The following CYYR1 variants were observed in gnomAD, a reference collection of about 807,000 sequenced individuals.
CYYR1 encodes cysteine and tyrosine rich 1.
A neutral mutation model predicts 15.2 loss-of-function variants in CYYR1; 14 were observed. The ratio of observed to expected loss-of-function variants is 0.92; its 90% CI spans 0.61 to 1.44. CYYR1 has a LOEUF of 1.44. Ranked by LOEUF, CYYR1 falls within the 40% of genes most tolerant of loss-of-function variation. The pLI is 0.00. For synonymous variants in CYYR1, 80 were observed against 77.4 expected (o/e 1.03, Z -0.18); for missense variants, 228 against 209.5 (o/e 1.09, Z -0.54).
At chr21:26,490,642 G>C (rs1227277305) in intron 2 of CYYR1, among the ~76,000 whole-genome samples, 1 of 152,164 alleles carries the variant, frequency 6.6e-6, no homozygotes. Context: ...TTGGGACATT[G>C]ACCACAACTC....
At chr21:26,500,185 T>C (rs1031509671) in intron 2 of CYYR1, among the ~76,000 whole-genome samples, 3 of 152,146 alleles carry the variant, frequency 2.0e-5, no homozygotes, top group African/African-American at 7.2e-5. Context: ...GGATCCACCC[T>C]CCTAACCTCA....
chr21:26,477,737 T>C (rs1181620912), intron 3 of CYYR1: 12 of 985,030 alleles, frequency 1.2e-5, no homozygotes, highest in African/African-American at 1.7e-5. Flanking sequence ...CAATTCTTCA[T>C]ACCTTCTCTA....
intron 2 of CYYR1, among the ~76,000 whole-genome samples, chr21:26,534,417 T>C (rs1311092024): frequency 6.6e-6 from 1 of 152,168 alleles, no homozygotes; most frequent in African/African-American, 2.4e-5. Flanking sequence ...ATCTACTCTC[T>C]ACCTTGCTCC....
At chr21:26,487,811 AAT>A (rs2065271099) in intron 2 of CYYR1, among the ~76,000 whole-genome samples, 1 of 151,866 alleles carries the variant, frequency 6.6e-6, no homozygotes. Context: ...CATAATATCG[AAT>A]AGTTAAATTG....
Position 26,468,726 on chromosome 21 carries a change from G to C in CYYR1, c.335-92C>G, listed in dbSNP as rs576641250. On this transcript the variant is annotated intron_variant, in intron 3 of 3. Coordinates refer to ENST00000652641, the MANE Select transcript of CYYR1 (RefSeq NM_001320768.2). ...CACTGGGCTAGATACTTTGGGAGGG[G>C]ACATAAATTGTGGCTGCAAAAATCT... 9 of 971,590 alleles carry C rather than the reference G, an allele frequency of 9.3e-6. No individual in the cohort carries two copies. The South Asian group carries it at 1.3e-4, about 14-fold the overall frequency. 60.2% of individuals were successfully genotyped at this position (971,590 alleles called of 1,614,324 possible). A position where few individuals can be genotyped will look rare whatever the true frequency, so the allele number is the denominator to read the frequency against.
chr21:26,533,806 TGA>T (rs1376252036), intron 2 of CYYR1, among the ~76,000 whole-genome samples: 1 of 152,164 alleles, frequency 6.6e-6, no homozygotes, highest in African/African-American at 2.4e-5. Context: ...GCTGTTCGTC[TGA>T]GAGTGAAAAG....
chr21:26,508,966 A>T (rs1276993512), intron 2 of CYYR1, among the ~76,000 whole-genome samples: 6 of 152,228 alleles, frequency 3.9e-5, no homozygotes, highest in African/African-American at 1.4e-4. Flanking sequence ...TACACATTAT[A>T]TTGCAACACT....
At chr21:26,522,860 G>A (rs1002344680) in intron 2 of CYYR1, among the ~76,000 whole-genome samples, 12 of 152,186 alleles carry the variant, frequency 7.9e-5, no homozygotes, top group African/African-American at 2.7e-4. Context: ...TCCAGACACA[G>A]GAAGAAATCA....
chr21:26,503,514 G>A (rs190478812), intron 2 of CYYR1: 2 of 152,076 alleles, frequency 1.3e-5, no homozygotes, highest in African/African-American at 4.8e-5. Context: ...TATAATATTC[G>A]TATGTGTGTG....
intron 2 of CYYR1, among the ~76,000 whole-genome samples, chr21:26,554,904 C>T (rs1168994596): frequency 6.6e-6 from 1 of 152,072 alleles, no homozygotes; most frequent in Non-Finnish European, 1.5e-5. Flanking sequence ...CAGCTTAAAA[C>T]CCAGATGTTT....
intron 2 of CYYR1, among the ~76,000 whole-genome samples, chr21:26,556,724 A>C (rs904149433): frequency 6.6e-6 from 1 of 152,128 alleles, no homozygotes; most frequent in African/African-American, 2.4e-5. Flanking sequence ...AAGAACAGCA[A>C]GGGAGAAATC....
chr21:26,532,652 G>A (rs954413148), intron 2 of CYYR1, among the ~76,000 whole-genome samples: 7 of 152,158 alleles, frequency 4.6e-5, no homozygotes, highest in African/African-American at 1.7e-4. Flanking sequence ...TTACTGTGCT[G>A]CTTAGCTACT....
In CYYR1 at chr21:26,520,113, GATAT is replaced by G. The variant is rs71183558; in HGVS notation, c.177-39688_177-39685del. On this transcript the variant is annotated intron_variant, in intron 2 of 3. Transcript: ENST00000652641. The stretch of plus-strand genomic sequence containing the variant: ...TCTTCTTCTAAAAAAAAACCCAGGA[GATAT>G]ATATATATATATATATATATATATG... Among the ~76,000 whole-genome samples the G allele has an allele frequency of 3.9e-4, 47 of 120,694 alleles. 1 individual carries two copies. Among genetic ancestry groups the G allele is most frequent in the African/African-American group, 8.8e-4 (26 of 29,532 alleles). The allele number at this position is 120,694 out of a possible 152,430, so 79.2% of individuals were successfully genotyped here.
At chr21:26,537,869 C>T (rs780162210) in intron 2 of CYYR1, among the ~76,000 whole-genome samples, 10 of 152,086 alleles carry the variant, frequency 6.6e-5, no homozygotes, top group Non-Finnish European at 1.3e-4. Context: ...ATCCCTCTTC[C>T]ACCATGCGAG....
intron 2 of CYYR1, among the ~76,000 whole-genome samples, chr21:26,499,279 CAG>C (rs2065448570): frequency 1.3e-5 from 2 of 152,102 alleles, no homozygotes; most frequent in Non-Finnish European, 2.9e-5. Context: ...AAGGGACACA[CAG>C]GGGCGATGTG....
intron 3 of CYYR1, chr21:26,477,847 C>A: frequency 5.8e-6 from 7 of 1,215,504 alleles, no homozygotes; most frequent in South Asian, 7.4e-5. Flanking sequence ...AAAATAATTC[C>A]ATCTATTTTT....
At chr21:26,556,600 C>T (rs544391386) in intron 2 of CYYR1, among the ~76,000 whole-genome samples, 10 of 152,046 alleles carry the variant, frequency 6.6e-5, no homozygotes, top group East Asian at 5.8e-4. Context: ...TCATGGCAGA[C>T]GGTGAAGGGG....
chr21:26,554,625 G>T (rs1979638947), intron 2 of CYYR1, among the ~76,000 whole-genome samples: 1 of 152,046 alleles, frequency 6.6e-6, no homozygotes, highest in Non-Finnish European at 1.5e-5. Context: ...AGAGGCAGGT[G>T]GTACTCTCCT....
intron 2 of CYYR1, among the ~76,000 whole-genome samples, chr21:26,481,390 T>G (rs944973929): frequency 1.3e-5 from 2 of 152,094 alleles, no homozygotes; most frequent in African/African-American, 4.8e-5. Flanking sequence ...AAAAGGAATC[T>G]TACATATTGA....
Sources: gnomAD v4.1 joint callset for allele counts (sites outside exome capture counted in the v4.1 genomes callset) on GRCh38, gnomAD v4.1.1 for gene constraint, MANE v1.5 for transcripts, NCBI Gene and HGNC (gene_info 2026-07-23, HGNC 2026-07-21) for gene names.